Variants in ZBTB5 observed in about 807,000 individuals in gnomAD.
ZBTB5 encodes zinc finger and BTB domain-containing protein 5.
ZBTB5 carries 15 observed loss-of-function variants against 37.9 expected under a neutral mutation model. The observed-to-expected ratio is 0.40, with a 90% CI of 0.26 to 0.61. The LOEUF (loss-of-function observed/expected upper bound fraction) is 0.61. ZBTB5 is among the 20% of genes least tolerant of loss of function. ZBTB5 has a pLI of 0.47. For missense variants in ZBTB5, 708 were observed against 856.8 expected, an observed-to-expected ratio of 0.83 and a Z score of 2.17; for synonymous variants, 315 against 312.4, an observed-to-expected ratio of 1.01 and a Z score of -0.09.
chr9:37,451,555 C>CAAAAAAAAAAAAAAAAAAA (rs67502719), intron 1 of ZBTB5, among the ~76,000 whole-genome samples: 8 of 72,738 alleles, frequency 1.1e-4, no homozygotes, highest in African/African-American at 3.2e-4. Context: ...GAGACTATCT[C>CAAAAAAAAAAAAAAAAAAA]AAAAAAAAAA....
In ZBTB5 at chr9:37,440,794, C is replaced by T. The variant is rs1161581545; in HGVS notation, c.1758G>A (p.Arg586=). ...ACTTTGACAGAACATCTGCAGATGCCCTGGTCAACTGTGGAGGGCCAGGCT... is the reference window on the plus strand; with the variant it reads ...ACTTTGACAGAACATCTGCAGATGCTCTGGTCAACTGTGGAGGGCCAGGCT... ...PSQPGPPQLT[R]ASADVLSKCK... Residue 586 remains arginine (R), a synonymous_variant, in exon 2 of 2, where the codon AGG becomes AGA. Transcript: ENST00000307750. 3 of 1,614,026 alleles carry T rather than the reference C, an allele frequency of 1.9e-6. No homozygotes were observed. Among genetic ancestry groups the T allele is most frequent in the East Asian group, 2.2e-5 (1 of 44,898 alleles).
intron 1 of ZBTB5, among the ~76,000 whole-genome samples, chr9:37,463,932 T>A (rs1306654766): frequency 6.6e-6 from 1 of 152,186 alleles, no homozygotes; most frequent in Non-Finnish European, 1.5e-5. Flanking sequence ...ACCTGTAAGG[T>A]CACCAAGCTG....
At chr9:37,445,178 C>T (rs533125997) in intron 1 of ZBTB5, among the ~76,000 whole-genome samples, 16 of 151,608 alleles carry the variant, frequency 1.1e-4, no homozygotes, top group African/African-American at 3.9e-4. Flanking sequence ...AAAATATGTA[C>T]ACTAAACCGA....
At chr9:37,464,333 G>C (rs1824348895) in intron 1 of ZBTB5, among the ~76,000 whole-genome samples, 2 of 152,204 alleles carry the variant, frequency 1.3e-5, no homozygotes, top group Non-Finnish European at 2.9e-5. Flanking sequence ...ATTTTTGAAG[G>C]TGAAGAGTTC....
At chr9:37,464,601 C>T (rs942440432) in intron 1 of ZBTB5, among the ~76,000 whole-genome samples, 12 of 152,230 alleles carry the variant, frequency 7.9e-5, no homozygotes, top group African/African-American at 2.7e-4. Flanking sequence ...GTCCTCCAAA[C>T]AGGAGAAGAT....
rs144219714 is a variant in ZBTB5 at position 37,440,179 on chromosome 9, C to T, written c.*339G>A. 18 of 301,728 alleles carry T rather than the reference C, an allele frequency of 6.0e-5. No individual in the cohort carries two copies. The highest frequency in any genetic ancestry group is 3.9e-4 in the African/African-American group (18 of 45,974). 18.7% of individuals were successfully genotyped at this position (301,728 alleles called of 1,614,324 possible). The stretch of plus-strand genomic sequence containing the variant: ...GAAGGTATAGGAAATTTAAATGCTA[C>T]ACAGTTTTACAAAAATTGCTAAAAA... On this transcript the variant is annotated 3_prime_UTR_variant, in exon 2 of 2. Coordinates refer to ENST00000307750, the MANE Select transcript of ZBTB5 (RefSeq NM_014872.3).
At chr9:37,452,597 G>A (rs1824123611) in intron 1 of ZBTB5, among the ~76,000 whole-genome samples, 1 of 152,180 alleles carries the variant, frequency 6.6e-6, no homozygotes, top group African/African-American at 2.4e-5. Context: ...AAGTTCCCAG[G>A]AGAAAATGGG....
chr9:37,455,670 G>C (rs1824173966), intron 1 of ZBTB5, among the ~76,000 whole-genome samples: 1 of 152,180 alleles, frequency 6.6e-6, no homozygotes, highest in Non-Finnish European at 1.5e-5. Flanking sequence ...CAGCCAAACA[G>C]ACGAGCCACA....
At chr9:37,451,142 C>T (rs950617286) in intron 1 of ZBTB5, among the ~76,000 whole-genome samples, 9 of 152,010 alleles carry the variant, frequency 5.9e-5, no homozygotes, top group African/African-American at 2.2e-4. Context: ...GATCATACCA[C>T]TGCACTCCAG....
At chr9:37,462,050 G>A (rs1824302827) in intron 1 of ZBTB5, among the ~76,000 whole-genome samples, 1 of 152,106 alleles carries the variant, frequency 6.6e-6, no homozygotes, top group Non-Finnish European at 1.5e-5. Context: ...TATGTTGCCT[G>A]GGCTGGTTTG....
intron 1 of ZBTB5, among the ~76,000 whole-genome samples, chr9:37,461,029 C>A (rs1279373255): frequency 6.6e-6 from 1 of 152,172 alleles, no homozygotes; most frequent in East Asian, 1.9e-4. Flanking sequence ...ACTTTCAAAG[C>A]AGTATATGCC....
chr9:37,447,487 A>T (rs1462472156), intron 1 of ZBTB5, among the ~76,000 whole-genome samples: 1 of 152,076 alleles, frequency 6.6e-6, no homozygotes, highest in Non-Finnish European at 1.5e-5. Flanking sequence ...TTTTTGAGAC[A>T]GGGTTTCACC....
chr9:37,452,954 G>A (rs1030788173), intron 1 of ZBTB5, among the ~76,000 whole-genome samples: 2 of 152,166 alleles, frequency 1.3e-5, no homozygotes, highest in African/African-American at 2.4e-5. Context: ...GGATCAAGGG[G>A]ATCTGGTCAG....
At chr9:37,458,988 G>A (rs1215663543) in intron 1 of ZBTB5, among the ~76,000 whole-genome samples, 1 of 152,172 alleles carries the variant, frequency 6.6e-6, no homozygotes, top group African/African-American at 2.4e-5. Context: ...AAAATTATCT[G>A]AAAAATCTAC....
intron 1 of ZBTB5, among the ~76,000 whole-genome samples, chr9:37,448,068 G>C (rs571624728): frequency 1.5e-4 from 23 of 152,140 alleles, no homozygotes; most frequent in Non-Finnish European, 2.6e-4. Flanking sequence ...AAGAGCCAGG[G>C]GATCTTTGAA....
intron 1 of ZBTB5, among the ~76,000 whole-genome samples, chr9:37,449,367 C>T (rs937004291): frequency 3.9e-5 from 6 of 152,112 alleles, no homozygotes; most frequent in African/African-American, 1.4e-4. Context: ...CATTGCACGG[C>T]CTACTCCATG....
intron 1 of ZBTB5, among the ~76,000 whole-genome samples, chr9:37,463,479 C>T (rs191206561): frequency 6.6e-6 from 1 of 152,200 alleles, no homozygotes; most frequent in African/African-American, 2.4e-5. Flanking sequence ...ATTTCCAAAA[C>T]GAATGTGAGC....
rs375010155 is a variant in ZBTB5 at position 37,446,369 on chromosome 9, T to G, written c.-4-3814A>C. ...CTGGGAAATAACTGAAATGGCAAAC[T>G]AAGTCCACAAAATTCAAGGGTCTAC... On this transcript the variant is annotated intron_variant, in intron 1 of 1. Coordinates refer to ENST00000307750, the MANE Select transcript of ZBTB5 (RefSeq NM_014872.3). Among the ~76,000 whole-genome samples, 16 of 152,290 alleles carry G rather than the reference T, an allele frequency of 1.1e-4. No individual in the cohort carries two copies. In the East Asian group the frequency reaches 2.5e-3, roughly 24 times the overall value.
At position 37,441,485 on chromosome 9, in the gene ZBTB5, A is replaced by G. The variant is rs770340543; in HGVS notation, c.1067T>C (p.Val356Ala). The change falls in exon 2 of 2, where the codon GTG becomes GCG. Residue 356 changes from valine (V) to alanine (A), a missense_variant. Val to Ala is a moderately conservative substitution (Grantham distance 64). Coordinates refer to ENST00000307750, the MANE Select transcript of ZBTB5 (RefSeq NM_014872.3). The stretch of plus-strand genomic sequence containing the variant: ...ACTGACCACAACTCCTTCCACTTCC[A>G]CAGACTCGCTGCCTTCTGCTTGTGA... The part of the protein sequence containing the change: ...VTSQAEGSES[V>A]EVEGVVVSAE... 29 of 1,612,608 alleles carry G rather than the reference A, an allele frequency of 1.8e-5. No individual in the cohort carries two copies. Among genetic ancestry groups the G allele is most frequent in the African/African-American group, 2.7e-5 (2 of 74,404 alleles).
Sources: allele counts gnomAD v4.1 joint callset (sites outside exome capture counted in the v4.1 genomes callset), GRCh38; gene constraint gnomAD v4.1.1; transcripts MANE v1.5; gene names NCBI Gene and HGNC (gene_info 2026-07-23, HGNC 2026-07-21).